The following LARP1B variants were observed in gnomAD, a reference collection of about 807,000 sequenced individuals.
The protein encoded by LARP1B is la-related protein 1B.
A neutral mutation model predicts 114.2 loss-of-function variants in LARP1B; 76 were observed. That is an observed-to-expected ratio of 0.67 (90% CI 0.55 to 0.81). The LOEUF is 0.81. Ranked by LOEUF, LARP1B falls within the 30% of genes least tolerant of loss-of-function variation. LARP1B has a pLI of 0.00. For synonymous variants in LARP1B, 345 were observed against 348.0 expected (o/e 0.99, Z 0.10); for missense variants, 1,014 against 1,075.8 (o/e 0.94, Z 0.80).
intron 13 of LARP1B, among the ~76,000 whole-genome samples, 163 bp from the exon 14 acceptor site, chr4:128,178,268 C>G (rs1032123518): frequency 4.6e-5 from 7 of 151,480 alleles, no homozygotes; most frequent in Admixed American, 2.6e-4. Flanking sequence ...TTTTATAAAG[C>G]TAGATAATGG....
At chr4:128,170,909 G>A (rs75100157) in intron 12 of LARP1B, among the ~76,000 whole-genome samples, 2,235 of 57,910 alleles carry the variant, frequency 0.039, 50 homozygotes, top group East Asian at 0.17. Flanking sequence ...TGCCCATTTT[G>A]TGCATTCTTT....
At chr4:128,138,772 C>G (rs1184171326) in intron 11 of LARP1B, among the ~76,000 whole-genome samples, 1 of 152,026 alleles carries the variant, frequency 6.6e-6, no homozygotes. Context: ...AGCCTGGCCA[C>G]CGTGGTGAAA....
Position 128,200,606 on chromosome 4 carries a change from TA to T in LARP1B, c.2257del (p.Met753CysfsTer21), listed in dbSNP as rs1311334991. On this transcript the variant is annotated frameshift_variant, in exon 17 of 20. Coordinates refer to ENST00000326639, the MANE Select transcript of LARP1B (RefSeq NM_018078.4). LOFTEE classifies it high-confidence loss of function. ...CCTTTTTCCTCAGAGATCACTTCAA[TA>T]AAAAAATGTATGAGGAATTTAGACA... ...WSFFLRDHFNKKMYEEFRQLA... is the reference protein window; with the variant it reads ...WSFFLRDHFNXKMYEEFRQLA... The T allele has an allele frequency of 4.4e-6, 7 of 1,594,900 alleles. No individual in the cohort carries two copies. Among genetic ancestry groups the T allele is most frequent in the Admixed American group, 3.5e-5 (2 of 57,818 alleles).
chr4:128,088,926 C>G (rs1774766729), intron 5 of LARP1B, among the ~76,000 whole-genome samples: 1 of 151,704 alleles, frequency 6.6e-6, no homozygotes, highest in Non-Finnish European at 1.5e-5. Flanking sequence ...GAGTTTGAGA[C>G]CAGCCTGGGC....
chr4:128,190,914 A>C (rs898127655), intron 15 of LARP1B, among the ~76,000 whole-genome samples: 1 of 152,190 alleles, frequency 6.6e-6, no homozygotes, highest in African/African-American at 2.4e-5. Context: ...CCTTGCTCTT[A>C]ACTCATCATT....
intron 18 of LARP1B, 38 bp from the exon 19 acceptor site, chr4:128,207,218 T>C (rs770670372): frequency 1.0e-6 from 1 of 986,104 alleles, no homozygotes. Flanking sequence ...TTTTAAAATT[T>C]CATATAATTC....
chr4:128,164,976 GAAAAAATA>G (rs1384910158), intron 12 of LARP1B, among the ~76,000 whole-genome samples: 2 of 150,808 alleles, frequency 1.3e-5, no homozygotes, highest in African/African-American at 4.9e-5. Flanking sequence ...AAAAATATAG[GAAAAAATA>G]AAAAAATAAA....
intron 15 of LARP1B, among the ~76,000 whole-genome samples, chr4:128,194,507 C>A (rs1249918002): frequency 9.2e-5 from 14 of 151,588 alleles, no homozygotes; most frequent in Admixed American, 9.2e-4. Flanking sequence ...ACGGTGAAAC[C>A]CCGTCTCTGC....
At position 128,098,767 on chromosome 4, in the gene LARP1B, ATTTTTTTTTTTT is replaced by A. The variant is rs869184167; in HGVS notation, c.813+454_813+465del. Reference sequence around the variant, plus strand: ...TATGTGTATATATATATATATATATATTTTTTTTTTTTTTTTTTTTTTTTTTTTAAGACAGTG... The same window carrying A: ...TATGTGTATATATATATATATATATATTTTTTTTTTTTTTTTAAGACAGTG... On this transcript the variant is annotated intron_variant, in intron 8 of 19. Coordinates refer to ENST00000326639, the MANE Select transcript of LARP1B (RefSeq NM_018078.4). Among the ~76,000 whole-genome samples, 63 of 35,014 alleles carry A rather than the reference ATTTTTTTTTTTT, an allele frequency of 1.8e-3. 3 individuals carry two copies. The highest frequency in any genetic ancestry group is 0.023 in the Middle Eastern group (1 of 44). 23.0% of individuals were successfully genotyped at this position (35,014 alleles called of 152,430 possible).
intron 15 of LARP1B, among the ~76,000 whole-genome samples, chr4:128,185,694 A>T (rs1452977180): frequency 6.6e-6 from 1 of 152,036 alleles, no homozygotes; most frequent in Non-Finnish European, 1.5e-5. Context: ...TGCTTGATAT[A>T]ATCTCATTAG....
chr4:128,194,158 C>T (rs1005769327), intron 15 of LARP1B, among the ~76,000 whole-genome samples: 1 of 151,492 alleles, frequency 6.6e-6, no homozygotes, highest in Non-Finnish European at 1.5e-5. Flanking sequence ...CTGCAACCTC[C>T]ACCTCCTGGG....
chr4:128,157,303 CA>C (rs1736263304), intron 11 of LARP1B, among the ~76,000 whole-genome samples: 1 of 151,610 alleles, frequency 6.6e-6, no homozygotes, highest in Non-Finnish European at 1.5e-5. Context: ...GAAGATGGAT[CA>C]AAAGAAAAAT....
At chr4:128,178,367 C>T in intron 13 of LARP1B, 64 bp from the exon 14 acceptor site, 1 of 1,174,094 alleles carries the variant, frequency 8.5e-7, no homozygotes, top group Non-Finnish European at 1.2e-6. Context: ...CAAAATTATC[C>T]TTATTCTCAA....
intron 10 of LARP1B, among the ~76,000 whole-genome samples, chr4:128,118,076 C>T (rs1430944730): frequency 5.2e-5 from 7 of 134,166 alleles, no homozygotes; most frequent in African/African-American, 2.8e-5. Context: ...CCAACAGGCC[C>T]GGCTAATTTT....
At chr4:128,207,806 A>C (rs1757995796) in intron 19 of LARP1B, among the ~76,000 whole-genome samples, 1 of 152,254 alleles carries the variant, frequency 6.6e-6, no homozygotes. Context: ...TGTTGTGTGC[A>C]TGTGTGCAAG....
intron 11 of LARP1B, among the ~76,000 whole-genome samples, chr4:128,149,000 TGAAAG>T (rs1447971832): frequency 6.6e-6 from 1 of 152,228 alleles, no homozygotes; most frequent in African/African-American, 2.4e-5. Context: ...TTTTTGAACA[TGAAAG>T]GATATGGTAA....
intron 15 of LARP1B, among the ~76,000 whole-genome samples, chr4:128,188,109 T>A (rs1215258183): frequency 6.6e-6 from 1 of 151,698 alleles, no homozygotes; most frequent in Non-Finnish European, 1.5e-5. Context: ...AGTTTTGCTC[T>A]TGTTGCCCAG....
intron 1 of LARP1B, chr4:128,069,148 T>C: frequency 9.0e-7 from 1 of 1,108,468 alleles, no homozygotes; most frequent in Non-Finnish European, 1.4e-6. Context: ...AGCCCATGCA[T>C]CTTCCTATGC....
At chr4:128,131,075 T>G (rs1319689335) in intron 11 of LARP1B, among the ~76,000 whole-genome samples, 1 of 152,232 alleles carries the variant, frequency 6.6e-6, no homozygotes, top group Non-Finnish European at 1.5e-5. Flanking sequence ...GCAGTGACAG[T>G]ATTTTCTATG....
Sources: allele counts gnomAD v4.1 joint callset (sites outside exome capture counted in the v4.1 genomes callset), GRCh38; gene constraint gnomAD v4.1.1; transcripts MANE v1.5; gene names NCBI Gene and HGNC (gene_info 2026-07-23, HGNC 2026-07-21).